PEX5L: variants seen among roughly 807,000 people sequenced by gnomAD.
PEX5L encodes the protein peroxisomal biogenesis factor 5 like.
PEX5L carries 30 observed loss-of-function variants against 84.0 expected under a neutral mutation model. That is an observed-to-expected ratio of 0.36 (90% CI 0.27 to 0.48). PEX5L has a LOEUF of 0.48. Among genes scored for constraint, PEX5L ranks in the 20% least tolerant of loss-of-function variants. The pLI is 0.99. For missense variants in PEX5L, 533 were observed against 754.6 expected, an observed-to-expected ratio of 0.71 and a Z score of 3.44; for synonymous variants, 270 against 283.1, an observed-to-expected ratio of 0.95 and a Z score of 0.46.
chr3:179,843,297 G>C (rs1487043977), intron 8 of PEX5L, among the ~76,000 whole-genome samples: 2 of 152,112 alleles, frequency 1.3e-5, no homozygotes, highest in Non-Finnish European at 2.9e-5. Flanking sequence ...CCAAAGCCCG[G>C]GTACAACCAG....
chr3:179,801,673 T>C lies in PEX5L; in HGVS notation c.*155A>G. On this transcript the variant is annotated 3_prime_UTR_variant, in exon 15 of 15. Coordinates refer to ENST00000467460, the MANE Select transcript of PEX5L (RefSeq NM_016559.3). ...TGTGCTTTTGGATCTGAACAGAGAC[T>C]GGGCATTGTCCACAGGAATTAATTT... 1.6e-6 allele frequency: 1 copy of C among 632,774 alleles called. No homozygotes were observed. The highest frequency in any genetic ancestry group is 2.8e-6 in the Non-Finnish European group (1 of 356,990). The allele number at this position is 632,774 out of a possible 1,614,324, so 39.2% of individuals were successfully genotyped here. A position where few individuals can be genotyped will look rare whatever the true frequency, so the allele number is the denominator to read the frequency against.
At chr3:179,930,233 A>AAAAACAT (rs150131534) in intron 2 of PEX5L, among the ~76,000 whole-genome samples, 2,435 of 152,086 alleles carry the variant, frequency 0.016, 74 homozygotes, top group African/African-American at 0.056. Context: ...TTCTCTTTTG[A>AAAAACAT]TTTTTGTTTT....
At chr3:180,025,189 ACAGCTCATGGGAATAGAC>A (rs1452663913) in intron 1 of PEX5L, among the ~76,000 whole-genome samples, 1 of 152,156 alleles carries the variant, frequency 6.6e-6, no homozygotes, top group Non-Finnish European at 1.5e-5. Context: ...ATTTGTTTCC[ACAGCTCATGGGAATAGAC>A]CAGATCCTGA....
At chr3:179,986,357 G>T (rs1786816434) in intron 1 of PEX5L, among the ~76,000 whole-genome samples, 1 of 148,930 alleles carries the variant, frequency 6.7e-6, no homozygotes, top group Admixed American at 6.7e-5. Context: ...ATTTTCCTTG[G>T]TTTCCAAATG....
chr3:179,868,179 C>T (rs1577829023), intron 7 of PEX5L, among the ~76,000 whole-genome samples: 2 of 151,414 alleles, frequency 1.3e-5, no homozygotes, highest in South Asian at 4.2e-4. Context: ...CGCACCCAGC[C>T]CAATAACAAA....
intron 1 of PEX5L, among the ~76,000 whole-genome samples, chr3:180,000,736 G>C (rs1788323856): frequency 1.3e-5 from 2 of 152,130 alleles, no homozygotes; most frequent in Admixed American, 6.6e-5. Flanking sequence ...CAGATTTATT[G>C]ATTTCATACC....
chr3:179,858,976 T>A, intron 8 of PEX5L, 86 bp downstream of exon 8: 1 of 812,748 alleles, frequency 1.2e-6, no homozygotes, highest in African/African-American at 1.7e-5. Flanking sequence ...TAAGACCCAT[T>A]TCATTTCTAT....
intron 1 of PEX5L, chr3:179,974,191 G>A: frequency 1.0e-6 from 1 of 985,340 alleles, no homozygotes; most frequent in African/African-American, 1.7e-5. Flanking sequence ...GCTTCTGCGT[G>A]GTCTTTCACA....
chr3:179,961,195 ATGTGTATGTGTGTGTGTGTG>A (rs1308679597), intron 2 of PEX5L, among the ~76,000 whole-genome samples: 1 of 139,824 alleles, frequency 7.2e-6, no homozygotes, highest in East Asian at 2.2e-4. Context: ...TCACTTGTGT[ATGTGTATGTGTGTGTGTGTG>A]TGTGTGTGTG....
At chr3:179,945,548 C>A (rs1777282109) in intron 2 of PEX5L, among the ~76,000 whole-genome samples, 1 of 152,176 alleles carries the variant, frequency 6.6e-6, no homozygotes, top group African/African-American at 2.4e-5. Context: ...TGATGCCAGG[C>A]TATCTAATAA....
intron 2 of PEX5L, among the ~76,000 whole-genome samples, chr3:179,942,754 G>A (rs950132957): frequency 1.3e-5 from 2 of 152,218 alleles, no homozygotes; most frequent in African/African-American, 2.4e-5. Flanking sequence ...CCTTTTGATG[G>A]GAACAGGGAG....
intron 1 of PEX5L, among the ~76,000 whole-genome samples, chr3:179,979,672 C>T (rs946870030): frequency 2.0e-5 from 3 of 152,098 alleles, no homozygotes; most frequent in Admixed American, 6.5e-5. Flanking sequence ...TCTCCCATCC[C>T]CAACAGGAAA....
intron 1 of PEX5L, among the ~76,000 whole-genome samples, chr3:180,007,321 C>T (rs777486664): frequency 3.9e-5 from 6 of 152,188 alleles, no homozygotes; most frequent in Admixed American, 6.5e-5. Context: ...GGTGGGTTCC[C>T]GTGGTTTTGG....
In PEX5L at chr3:179,801,560, T is replaced by TA. The variant is rs1718856140; in HGVS notation, c.*267dup. 1 of 386,246 alleles carries TA rather than the reference T, an allele frequency of 2.6e-6. No homozygotes were observed. The allele number at this position is 386,246 out of a possible 1,614,324, so 23.9% of individuals were successfully genotyped here. A position where few individuals can be genotyped will look rare whatever the true frequency, so the allele number is the denominator to read the frequency against. On this transcript the variant is annotated 3_prime_UTR_variant, in exon 15 of 15. Transcript: ENST00000467460. ...ATATGCTTGCAACTTGTGGAAAGAG[T>TA]ATTCAACACACAGTTACTTTATCTT... is the stretch of plus-strand genomic sequence containing the variant.
chr3:180,013,656 G>C (rs1789680334), intron 1 of PEX5L, among the ~76,000 whole-genome samples: 1 of 152,102 alleles, frequency 6.6e-6, no homozygotes, highest in African/African-American at 2.4e-5. Context: ...ATGCTTAGTA[G>C]AACGCCTGGT....
At chr3:179,871,484 C>G (rs751492633) in intron 7 of PEX5L, among the ~76,000 whole-genome samples, 8 of 152,114 alleles carry the variant, frequency 5.3e-5, no homozygotes, top group Non-Finnish European at 1.2e-4. Context: ...GATTAAAAGA[C>G]AAAATATTTA....
chr3:179,819,860 C>A lies in PEX5L; in HGVS notation c.939G>T (p.Lys313Asn). 6.2e-7 allele frequency: 1 copy of A among 1,613,808 alleles called. No individual in the cohort carries two copies. Among genetic ancestry groups the A allele is most frequent in the Non-Finnish European group, 8.5e-7 (1 of 1,179,838 alleles). Reference sequence around the variant, plus strand: ...CATGTATAGGAACAGAATTGGTTACCTTCTCACTAGCCGAGATGGTTACTT... The same window carrying A: ...CATGTATAGGAACAGAATTGGTTACATTCTCACTAGCCGAGATGGTTACTT... ...QNQVTISASE[K>N]GYYFHTENPF... The change falls in exon 9 of 15, where the codon AAG (lysine) becomes AAT (asparagine). Residue 313 changes from lysine to asparagine, a missense_variant and splice_region_variant. By Grantham distance (94) the Lys-to-Asn change is moderately conservative (BLOSUM62 0). Coordinates refer to ENST00000467460, the MANE Select transcript of PEX5L (RefSeq NM_016559.3).
intron 8 of PEX5L, among the ~76,000 whole-genome samples, chr3:179,847,077 GTGTGTATATATATA>G (rs755533961): frequency 7.9e-6 from 1 of 126,400 alleles, no homozygotes; most frequent in Admixed American, 7.9e-5. Context: ...GTGTGTGTGT[GTGTGTATATATATA>G]TATATATATG....
intron 2 of PEX5L, among the ~76,000 whole-genome samples, chr3:179,944,419 C>T (rs1318528784): frequency 6.6e-6 from 1 of 152,176 alleles, no homozygotes; most frequent in Non-Finnish European, 1.5e-5. Context: ...CTTAACCTCT[C>T]AGTCTTACAG....
Sources: gnomAD v4.1 joint callset for allele counts (sites outside exome capture counted in the v4.1 genomes callset) on GRCh38, gnomAD v4.1.1 for gene constraint, MANE v1.5 for transcripts, NCBI Gene and HGNC (gene_info 2026-07-23, HGNC 2026-07-21) for gene names.